The following PKIB variants were observed in gnomAD, a reference collection of about 807,000 sequenced individuals.
The protein encoded by PKIB is cAMP-dependent protein kinase inhibitor beta.
A neutral mutation model predicts 4.5 loss-of-function variants in PKIB; 2 were observed. The ratio of observed to expected loss-of-function variants is 0.44; its 90% CI spans 0.18 to 1.39. The LOEUF (loss-of-function observed/expected upper bound fraction) is 1.39. Ranked by LOEUF, PKIB falls within the 40% of genes most tolerant of loss-of-function variation. The pLI, the probability that PKIB is intolerant of heterozygous loss-of-function variation, is 0.27. For synonymous variants in PKIB, 38 were observed against 36.0 expected, an observed-to-expected ratio of 1.06 and a Z score of -0.20; for missense variants, 94 against 92.6, an observed-to-expected ratio of 1.02 and a Z score of -0.06.
At chr6:122,540,750 C>G (rs1239725474) in intron 2 of PKIB, among the ~76,000 whole-genome samples, 5 of 152,002 alleles carry the variant, frequency 3.3e-5, no homozygotes, top group African/African-American at 1.2e-4. Context: ...TTACTTTTGT[C>G]TCACTGATCT....
At chr6:122,684,026 A>G (rs927507436) in intron 3 of PKIB, among the ~76,000 whole-genome samples, 3 of 152,240 alleles carry the variant, frequency 2.0e-5, no homozygotes, top group Non-Finnish European at 2.9e-5. Context: ...TTCAAAAAGA[A>G]GACAATTCTA....
At chr6:122,532,492 A>G (rs1310770311) in intron 2 of PKIB, among the ~76,000 whole-genome samples, 1 of 152,126 alleles carries the variant, frequency 6.6e-6, no homozygotes, top group African/African-American at 2.4e-5. Flanking sequence ...TCCAGAATGA[A>G]ATTCTGTACT....
intron 3 of PKIB, among the ~76,000 whole-genome samples, chr6:122,676,940 C>T (rs1228047642): frequency 1.3e-5 from 2 of 152,158 alleles, no homozygotes; most frequent in Non-Finnish European, 2.9e-5. Flanking sequence ...TTAACAATGA[C>T]ATTAACCTAT....
intron 2 of PKIB, among the ~76,000 whole-genome samples, chr6:122,543,521 A>G (rs1772381661): frequency 1.3e-5 from 2 of 151,914 alleles, no homozygotes; most frequent in African/African-American, 2.4e-5. Flanking sequence ...CTGGGATTAT[A>G]GGTGCCTGCA....
chr6:122,497,097 C>T (rs1030618597), intron 2 of PKIB, among the ~76,000 whole-genome samples: 3 of 152,088 alleles, frequency 2.0e-5, no homozygotes, highest in Non-Finnish European at 2.9e-5. Flanking sequence ...AAAAGAAATT[C>T]CAATCAAGAA....
chr6:122,612,775 G>A (rs1323213083), intron 1 of PKIB, among the ~76,000 whole-genome samples: 1 of 152,124 alleles, frequency 6.6e-6, no homozygotes, highest in African/African-American at 2.4e-5. Flanking sequence ...GTGTTTGTGA[G>A]TACCCGTTTT....
chr6:122,576,800 T>A (rs1773556390), intron 2 of PKIB, among the ~76,000 whole-genome samples: 1 of 150,446 alleles, frequency 6.6e-6, no homozygotes, highest in South Asian at 2.1e-4. Context: ...CTTGATTTTG[T>A]TAGGCATATG....
At chr6:122,725,106 T>C (rs778230427) in intron 4 of PKIB, 22 bp from the exon 5 acceptor site, 1 of 1,558,784 alleles carries the variant, frequency 6.4e-7, no homozygotes. Flanking sequence ...ATTCCACATA[T>C]GAATGGAAAT....
At chr6:122,631,874 A>G (rs1775718124) in intron 1 of PKIB, among the ~76,000 whole-genome samples, 1 of 152,252 alleles carries the variant, frequency 6.6e-6, no homozygotes, top group Non-Finnish European at 1.5e-5. Flanking sequence ...AGTGGCTAAC[A>G]TAATGATGTT....
intron 3 of PKIB, among the ~76,000 whole-genome samples, chr6:122,695,636 G>A (rs1299574800): frequency 6.6e-6 from 1 of 151,830 alleles, no homozygotes; most frequent in East Asian, 1.9e-4. Flanking sequence ...TGACTTTTAG[G>A]TGACTTCTTT....
At chr6:122,496,588 T>G (rs1345516709) in intron 2 of PKIB, among the ~76,000 whole-genome samples, 2 of 152,184 alleles carry the variant, frequency 1.3e-5, no homozygotes, top group Non-Finnish European at 2.9e-5. Context: ...AAAATACAAT[T>G]GAAAGTTTTA....
Position 122,576,710 on chromosome 6 carries a change from A to ATATATATATATATTTT in PKIB, c.-247-9210_-247-9209insATATATATATATTTTT, listed in dbSNP as rs59569106. Among the ~76,000 whole-genome samples the ATATATATATATATTTT allele has an allele frequency of 2.7e-5, 3 of 109,984 alleles. No individual in the cohort carries two copies. In the East Asian group the frequency reaches 9.6e-4, roughly 35 times the overall value. 72.2% of individuals were successfully genotyped at this position (109,984 alleles called of 152,430 possible). A position where few individuals can be genotyped will look rare whatever the true frequency, so the allele number is the denominator to read the frequency against. On this transcript the variant is annotated intron_variant, in intron 2 of 6. Coordinates refer to the PKIB transcript ENST00000392491. Reference sequence around the variant, plus strand: ...AAAAAATATATATATATATATATATATTTTCTTTTGTATAATTATACCTCA... The same window carrying ATATATATATATATTTT: ...AAAAAATATATATATATATATATATATATATATATATATTTTTTTTCTTTTGTATAATTATACCTCA...
intron 2 of PKIB, among the ~76,000 whole-genome samples, chr6:122,528,112 A>G (rs968335542): frequency 6.6e-6 from 1 of 152,172 alleles, no homozygotes; most frequent in African/African-American, 2.4e-5. Flanking sequence ...TTACTCTTTT[A>G]TCATTCTAAA....
At chr6:122,495,236 T>TAGA (rs1776043779) in intron 2 of PKIB, among the ~76,000 whole-genome samples, 2 of 152,118 alleles carry the variant, frequency 1.3e-5, no homozygotes, top group Admixed American at 1.3e-4. Flanking sequence ...TCCACCCTCT[T>TAGA]GGGTGGGAGG....
intron 1 of PKIB, among the ~76,000 whole-genome samples, chr6:122,476,150 T>A (rs1562221612): frequency 6.6e-6 from 1 of 152,138 alleles, no homozygotes; most frequent in Non-Finnish European, 1.5e-5. Context: ...CCCACAGTAG[T>A]TAAAGGATGA....
intron 2 of PKIB, among the ~76,000 whole-genome samples, chr6:122,671,656 T>C (rs1777467723): frequency 6.6e-6 from 1 of 152,204 alleles, no homozygotes. Flanking sequence ...GGCTGACTTA[T>C]ACAAGTTCAG....
chr6:122,614,591 T>A (rs1425628819), intron 1 of PKIB, among the ~76,000 whole-genome samples: 8 of 152,152 alleles, frequency 5.3e-5, no homozygotes, highest in African/African-American at 1.9e-4. Context: ...AAGGGAGAAC[T>A]GAAGTCCAGT....
At chr6:122,534,171 A>T (rs969199598) in intron 2 of PKIB, among the ~76,000 whole-genome samples, 1 of 148,606 alleles carries the variant, frequency 6.7e-6, no homozygotes, top group Non-Finnish European at 1.5e-5. Flanking sequence ...TATAATACTA[A>T]CATATATAAT....
intron 3 of PKIB, chr6:122,586,102 A>G (rs1426077223): frequency 1.3e-5 from 2 of 152,158 alleles, no homozygotes; most frequent in Non-Finnish European, 2.9e-5. Context: ...CCATAACTGA[A>G]TTAAACAAGT....
Sources: allele counts gnomAD v4.1 joint callset (sites outside exome capture counted in the v4.1 genomes callset), GRCh38; gene constraint gnomAD v4.1.1; transcripts MANE v1.5; gene names NCBI Gene and HGNC (gene_info 2026-07-23, HGNC 2026-07-21).